The following PROS1 variants were observed in gnomAD, a reference collection of about 807,000 sequenced individuals.
PROS1 encodes the protein vitamin K-dependent protein S.
In PROS1, 29 loss-of-function variants were observed where a neutral mutation model predicts 75.9. The observed-to-expected ratio is 0.38, with a 90% confidence interval of 0.28 to 0.52. The LOEUF (loss-of-function observed/expected upper bound fraction) is 0.52, where lower values mean the gene tolerates loss of function less well. Ranked by LOEUF, PROS1 falls within the 20% of genes least tolerant of loss-of-function variation. The pLI, the probability that PROS1 is intolerant of heterozygous loss-of-function variation, is 0.83. For synonymous variants in PROS1, 245 were observed against 280.6 expected (o/e 0.87, Z 1.27); for missense variants, 680 against 810.3 (o/e 0.84, Z 1.95).
chr3:93,900,907 C>T lies in PROS1; in HGVS notation c.624G>A (p.Lys208=). 10 of 1,613,918 alleles carry T rather than the reference C, an allele frequency of 6.2e-6. No homozygotes were observed. The highest frequency in any genetic ancestry group is 8.5e-6 in the Non-Finnish European group (10 of 1,179,970). Residue 208 remains lysine (K), a synonymous_variant, in exon 7 of 15, where the codon AAG becomes AAA. Coordinates refer to ENST00000394236, the MANE Select transcript of PROS1 (RefSeq NM_000313.4). ...DCKDVDECSL[K]PSICGTAVCK... ...ACACAGCTGTGCCACAAATGCTTGGCTTCAAAGAGCATTCATCCACATCTA... is the reference window on the plus strand; with the variant it reads ...ACACAGCTGTGCCACAAATGCTTGGTTTCAAAGAGCATTCATCCACATCTA...
chr3:93,944,251 G>T (rs1339065577), intron 1 of PROS1, among the ~76,000 whole-genome samples: 1 of 151,080 alleles, frequency 6.6e-6, no homozygotes, highest in Admixed American at 6.6e-5. Flanking sequence ...ACCCAGTTTT[G>T]CTGTTTATAT....
intron 3 of PROS1, among the ~76,000 whole-genome samples, chr3:93,913,609 C>T (rs913274765): frequency 6.6e-6 from 1 of 152,206 alleles, no homozygotes; most frequent in African/African-American, 2.4e-5. Context: ...TGCCTTCCGC[C>T]ATGATTCTAA....
At chr3:93,924,880 C>T (rs1708995115) in intron 2 of PROS1, among the ~76,000 whole-genome samples, 1 of 151,872 alleles carries the variant, frequency 6.6e-6, no homozygotes, top group Non-Finnish European at 1.5e-5. Flanking sequence ...ACTATGTTGC[C>T]TAGGCCTCAA....
intron 12 of PROS1, among the ~76,000 whole-genome samples, chr3:93,883,153 C>G (rs942432063): frequency 2.6e-5 from 4 of 152,172 alleles, no homozygotes; most frequent in African/African-American, 9.7e-5. Context: ...GAATGCTTCC[C>G]CAACCTCCGC....
intron 1 of PROS1, among the ~76,000 whole-genome samples, chr3:93,937,428 C>T (rs1709201581): frequency 6.7e-6 from 1 of 149,458 alleles, no homozygotes; most frequent in Non-Finnish European, 1.5e-5. Flanking sequence ...AGTGCAGTGG[C>T]ATGATCTCTG....
At chr3:93,891,286 GAA>G (rs939842627) in intron 10 of PROS1, among the ~76,000 whole-genome samples, 2 of 152,052 alleles carry the variant, frequency 1.3e-5, no homozygotes, top group Non-Finnish European at 2.9e-5. Context: ...CTATACTTCA[GAA>G]AAGACTTCTC....
At chr3:93,932,734 TC>T (rs1169674933) in intron 1 of PROS1, among the ~76,000 whole-genome samples, 1 of 152,168 alleles carries the variant, frequency 6.6e-6, no homozygotes, top group Non-Finnish European at 1.5e-5. Context: ...TTGACTTACC[TC>T]CAAAAAATAA....
intron 6 of PROS1, among the ~76,000 whole-genome samples, chr3:93,903,889 T>C (rs1286922798): frequency 2.0e-5 from 3 of 151,890 alleles, no homozygotes; most frequent in African/African-American, 7.3e-5. Context: ...TATGTATACA[T>C]GTGCCATGCT....
At chr3:93,879,073 A>T (rs1708237599) in intron 13 of PROS1, 90 bp downstream of exon 13, 1 of 1,299,570 alleles carries the variant, frequency 7.7e-7, no homozygotes, top group Non-Finnish European at 1.1e-6. Context: ...TTTAATCTTC[A>T]AAATAGTCCT....
chr3:93,926,246 C>T (rs560946930), intron 2 of PROS1, among the ~76,000 whole-genome samples: 1 of 152,272 alleles, frequency 6.6e-6, no homozygotes, highest in Non-Finnish European at 1.5e-5. Flanking sequence ...AAATGTATTA[C>T]ACTGATCTCT....
chr3:93,875,667 TATCTATCTATC>T (rs1331987033), intron 14 of PROS1, among the ~76,000 whole-genome samples: 26 of 137,128 alleles, frequency 1.9e-4, no homozygotes, highest in Non-Finnish European at 3.3e-4. Context: ...TCTATCTATC[TATCTATCTATC>T]ATCTATCTAT....
chr3:93,873,875 C>T lies in PROS1; in HGVS notation c.*370G>A, dbSNP rs144135580. The T allele has an allele frequency of 1.2e-4, 28 of 240,900 alleles. No homozygotes were observed. The highest frequency in any genetic ancestry group is 4.4e-4 in the African/African-American group (19 of 43,062). The allele number at this position is 240,900 out of a possible 1,614,324, so 14.9% of individuals were successfully genotyped here. On this transcript the variant is annotated 3_prime_UTR_variant, in exon 15 of 15. Coordinates refer to ENST00000394236, the MANE Select transcript of PROS1 (RefSeq NM_000313.4). ...CTATGATTAATAGTATTTAATTACA[C>T]GCACTTTTGTTTGAGTTTACTTCCT...
rs529063668 is a variant in PROS1 at position 93,953,951 on chromosome 3, C to G, written c.76+19723G>C. ...ACCAATAACAGACAGAGAGCCAAAT[C>G]ATGAGTGAACTCCCATTCACAATTG... On this transcript the variant is annotated intron_variant, in intron 1 of 14. Transcript: ENST00000394236. Among the ~76,000 whole-genome samples, 16 of 152,288 alleles carry G rather than the reference C, an allele frequency of 1.1e-4. No individual in the cohort carries two copies. The South Asian group carries it at 3.1e-3, about 30-fold the overall frequency.
intron 1 of PROS1, among the ~76,000 whole-genome samples, chr3:93,953,833 G>A (rs1325904028): frequency 3.3e-5 from 5 of 152,080 alleles, no homozygotes; most frequent in Non-Finnish European, 4.4e-5. Context: ...AAACTCCCTC[G>A]TCTCAGCCCA....
intron 3 of PROS1, among the ~76,000 whole-genome samples, chr3:93,916,999 T>C (rs1708862882): frequency 6.6e-6 from 1 of 152,182 alleles, no homozygotes; most frequent in Non-Finnish European, 1.5e-5. Context: ...ATTTTTTATT[T>C]CTCTAAGAAA....
intron 1 of PROS1, among the ~76,000 whole-genome samples, chr3:93,964,061 C>A (rs1709748453): frequency 6.6e-6 from 1 of 152,334 alleles, no homozygotes; most frequent in East Asian, 1.9e-4. Context: ...TTACTTTAAT[C>A]TCTTAATCCT....
chr3:93,949,003 G>GT (rs1709448471), intron 1 of PROS1, among the ~76,000 whole-genome samples: 1 of 152,156 alleles, frequency 6.6e-6, no homozygotes, highest in Admixed American at 6.5e-5. Flanking sequence ...GCATGGCACA[G>GT]TAACAGAATA....
chr3:93,924,500 T>C (rs1327404689), intron 2 of PROS1, among the ~76,000 whole-genome samples: 4 of 152,168 alleles, frequency 2.6e-5, no homozygotes, highest in African/African-American at 9.7e-5. Context: ...CAAAAGCTTC[T>C]AATCTAAAAA....
chr3:93,879,589 C>T (rs538893580), intron 12 of PROS1, among the ~76,000 whole-genome samples: 1 of 148,662 alleles, frequency 6.7e-6, no homozygotes, highest in South Asian at 2.1e-4. Context: ...TCCCAGTTTG[C>T]TCTTTAACAG....
Sources: allele counts gnomAD v4.1 joint callset (sites outside exome capture counted in the v4.1 genomes callset), GRCh38; gene constraint gnomAD v4.1.1; transcripts MANE v1.5; gene names NCBI Gene and HGNC (gene_info 2026-07-23, HGNC 2026-07-21).